The following CIAO2A variants were observed in gnomAD, a reference collection of about 807,000 sequenced individuals.
CIAO2A encodes the protein MIP18 family protein FAM96A.
CIAO2A carries 17 observed loss-of-function variants against 22.4 expected under a neutral mutation model. The observed-to-expected ratio is 0.76, with a 90% CI of 0.52 to 1.14. The LOEUF (loss-of-function observed/expected upper bound fraction) is 1.14. Ranked by LOEUF, CIAO2A falls within the 50% of genes most tolerant of loss-of-function variation. The pLI, the probability that CIAO2A is intolerant of heterozygous loss-of-function variation, is 0.00. For missense variants in CIAO2A, 192 were observed against 191.4 expected (o/e 1.00, Z -0.02); for synonymous variants, 74 against 72.3 (o/e 1.02, Z -0.12).
intron 4 of CIAO2A, 61 bp downstream of exon 4, chr15:64,075,431 A>G: frequency 1.9e-6 from 2 of 1,049,168 alleles, no homozygotes; most frequent in Non-Finnish European, 2.8e-6. Flanking sequence ...AGAAGAATCC[A>G]GTATCCAAGA....
intron 3 of CIAO2A, among the ~76,000 whole-genome samples, chr15:64,080,384 C>T (rs2080751041): frequency 6.8e-6 from 1 of 147,902 alleles, no homozygotes; most frequent in Non-Finnish European, 1.5e-5. Context: ...AAGACTTTGT[C>T]TCAAAAACAA....
At chr15:64,091,213 G>A (rs1251742245) in intron 1 of CIAO2A, among the ~76,000 whole-genome samples, 1 of 152,206 alleles carries the variant, frequency 6.6e-6, no homozygotes, top group Non-Finnish European at 1.5e-5. Context: ...AAACATGACG[G>A]CTCATGCCTG....
At chr15:64,073,397 G>A (rs2080690439) in intron 4 of CIAO2A, among the ~76,000 whole-genome samples, 1 of 152,088 alleles carries the variant, frequency 6.6e-6, no homozygotes, top group South Asian at 2.1e-4. Context: ...AAGTAATTAT[G>A]AAGACTATGC....
chr15:64,086,614 AT>A (rs35461939), intron 2 of CIAO2A, among the ~76,000 whole-genome samples: 40,851 of 141,714 alleles, frequency 0.29, 6,317 homozygotes, highest in South Asian at 0.56. Context: ...TAGCAATGGG[AT>A]TTTTTTTTTT....
At chr15:64,091,496 A>G (rs993546165) in intron 1 of CIAO2A, among the ~76,000 whole-genome samples, 60 of 151,972 alleles carry the variant, frequency 3.9e-4, no homozygotes, top group Non-Finnish European at 7.2e-4. Context: ...AAAAAAAAAA[A>G]AAAGAAAGAA....
At chr15:64,074,713 A>G (rs1272847934) in intron 4 of CIAO2A, 1 of 152,110 alleles carries the variant, frequency 6.6e-6, no homozygotes, top group Non-Finnish European at 1.5e-5. Flanking sequence ...GCTCTCTTTT[A>G]TGTAGGAGAT....
At chr15:64,093,616 C>G (rs770784723) in intron 1 of CIAO2A, 29 bp downstream of exon 1, 3 of 1,599,100 alleles carry the variant, frequency 1.9e-6, no homozygotes, top group Non-Finnish European at 2.6e-6. Flanking sequence ...CCTATAACGC[C>G]AAATGCTGTG....
Position 64,093,669 on chromosome 15 carries a change from C to G in CIAO2A, c.100G>C (p.Glu34Gln), listed in dbSNP as rs1328091704. 6.2e-7 allele frequency: 1 copy of G among 1,614,010 alleles called. No individual in the cohort carries two copies. Among genetic ancestry groups the G allele is most frequent in the Non-Finnish European group, 8.5e-7 (1 of 1,179,920 alleles). The change falls in exon 1 of 5, where the codon GAA (glutamate) becomes CAA (glutamine). Residue 34 changes from glutamate to glutamine, a missense_variant. By Grantham distance (29) the Glu-to-Gln change is conservative. Coordinates refer to ENST00000300030, the MANE Select transcript of CIAO2A (RefSeq NM_032231.7). ...CCATAAACTTCTAGCGCTTTCTCTTCCATGATCCGGGGCTGCCGGGCAGCT... is the reference window on the plus strand; with the variant it reads ...CCATAAACTTCTAGCGCTTTCTCTTGCATGATCCGGGGCTGCCGGGCAGCT... ...PGAARQPRIM[E>Q]EKALEVYDLI...
chr15:64,080,459 G>A (rs867182361), intron 3 of CIAO2A, among the ~76,000 whole-genome samples: 1 of 151,882 alleles, frequency 6.6e-6, no homozygotes, highest in Non-Finnish European at 1.5e-5. Context: ...GAGGCGGGTG[G>A]ATCATGAGGT....
chr15:64,083,760 T>C (rs1042697368), intron 2 of CIAO2A, among the ~76,000 whole-genome samples: 2 of 152,006 alleles, frequency 1.3e-5, no homozygotes, highest in Admixed American at 6.6e-5. Flanking sequence ...CTGGGTAACA[T>C]GGAGAAACCC....
chr15:64,082,223 CTTTA>C (rs1467096538), intron 2 of CIAO2A, among the ~76,000 whole-genome samples: 1 of 151,888 alleles, frequency 6.6e-6, no homozygotes, highest in East Asian at 1.9e-4. Context: ...GCCACAGGGT[CTTTA>C]TTTACTTATT....
chr15:64,085,255 C>T (rs1050167413), intron 2 of CIAO2A, among the ~76,000 whole-genome samples: 1 of 152,058 alleles, frequency 6.6e-6, no homozygotes, highest in Middle Eastern at 3.4e-3. Flanking sequence ...TTAATGATGG[C>T]CAGGTATGGT....
chr15:64,091,631 C>T (rs78664291), intron 1 of CIAO2A, among the ~76,000 whole-genome samples: 16 of 152,296 alleles, frequency 1.1e-4, no homozygotes, highest in African/African-American at 3.9e-4. Flanking sequence ...TCATACTAGG[C>T]TTTCTCCCCA....
At chr15:64,077,849 AG>A (rs768815719) in intron 3 of CIAO2A, among the ~76,000 whole-genome samples, 2 of 152,214 alleles carry the variant, frequency 1.3e-5, no homozygotes, top group Non-Finnish European at 2.9e-5. Flanking sequence ...GCTGTAGATG[AG>A]ATGACAGTAC....
chr15:64,088,366 C>A (rs2080813753), intron 2 of CIAO2A, among the ~76,000 whole-genome samples: 1 of 152,186 alleles, frequency 6.6e-6, no homozygotes, highest in Non-Finnish European at 1.5e-5. Context: ...CCTGACATAA[C>A]TAAAGGAGAA....
intron 1 of CIAO2A, among the ~76,000 whole-genome samples, chr15:64,089,579 A>G (rs931186807): frequency 2.6e-5 from 4 of 152,164 alleles, no homozygotes; most frequent in Non-Finnish European, 4.4e-5. Context: ...GGAAGCAGGC[A>G]TAAGTGAAAG....
At chr15:64,074,202 A>G (rs1409271402) in intron 4 of CIAO2A, 1 of 152,230 alleles carries the variant, frequency 6.6e-6, no homozygotes, top group East Asian at 1.9e-4. Flanking sequence ...CAAAAGAGAG[A>G]CGACTATATT....
At chr15:64,087,063 C>A (rs1345461314) in intron 2 of CIAO2A, among the ~76,000 whole-genome samples, 3 of 150,176 alleles carry the variant, frequency 2.0e-5, no homozygotes. Flanking sequence ...AGGTGTGTGC[C>A]ACCATGCCTT....
intron 3 of CIAO2A, among the ~76,000 whole-genome samples, chr15:64,080,726 T>C (rs974748131): frequency 6.6e-5 from 10 of 152,008 alleles, no homozygotes; most frequent in Non-Finnish European, 1.2e-4. Context: ...CTAGAATGCC[T>C]GTAATCAAAG....
Sources: allele counts gnomAD v4.1 joint callset (sites outside exome capture counted in the v4.1 genomes callset), GRCh38; gene constraint gnomAD v4.1.1; transcripts MANE v1.5; gene names NCBI Gene and HGNC (gene_info 2026-07-23, HGNC 2026-07-21).